The following KLHL1 variants were observed in gnomAD, a reference collection of about 807,000 sequenced individuals.
KLHL1 encodes the protein kelch-like protein 1.
Under a neutral mutation model 77.7 loss-of-function variants are expected in KLHL1, and 47 were observed. The observed-to-expected ratio is 0.60, with a 90% confidence interval of 0.48 to 0.77. The LOEUF (loss-of-function observed/expected upper bound fraction) is 0.77, where lower values mean the gene tolerates loss of function less well. Among genes scored for constraint, KLHL1 ranks in the 30% least tolerant of loss-of-function variants. The pLI, the probability that KLHL1 is intolerant of heterozygous loss-of-function variation, is 0.00. For missense variants in KLHL1, 925 were observed against 910.8 expected, an observed-to-expected ratio of 1.02 and a Z score of -0.20; for synonymous variants, 360 against 325.2, an observed-to-expected ratio of 1.11 and a Z score of -1.15.
Position 69,804,439 on chromosome 13 carries a change from TAA to T in KLHL1, c.1415-7479_1415-7478del, listed in dbSNP as rs553385689. On this transcript the variant is annotated intron_variant, in intron 6 of 10. Coordinates refer to ENST00000377844, the MANE Select transcript of KLHL1 (RefSeq NM_020866.3). Reference sequence around the variant, plus strand: ...TTGCATACAGCACAGAATTCAGTGATAAAAAGTTTTCTCAACTGACAAAAGAG... The same window carrying T: ...TTGCATACAGCACAGAATTCAGTGATAAAGTTTTCTCAACTGACAAAAGAG... 3.5e-4 allele frequency among the ~76,000 whole-genome samples: 53 copies of T among 152,242 alleles called. No individual in the cohort carries two copies. In the Middle Eastern group the frequency reaches 0.01, roughly 29 times the overall value.
chr13:69,713,057 T>C, intron 9 of KLHL1, among the ~76,000 whole-genome samples: 1 of 152,172 alleles, frequency 6.6e-6, no homozygotes, highest in East Asian at 1.9e-4. Flanking sequence ...CACAAATTCC[T>C]GGGCTCAAGT....
At chr13:69,770,520 T>G in intron 7 of KLHL1, among the ~76,000 whole-genome samples, 1 of 152,192 alleles carries the variant, frequency 6.6e-6, no homozygotes, top group African/African-American at 2.4e-5. Context: ...ATTTTTTTGT[T>G]GAAAAATGAA....
chr13:70,105,024 T>C (rs1023198332), intron 1 of KLHL1, among the ~76,000 whole-genome samples: 5 of 152,014 alleles, frequency 3.3e-5, no homozygotes, highest in African/African-American at 1.2e-4. Context: ...TTTAAGAACA[T>C]ATAAATCCAT....
chr13:69,913,730 A>G (rs566544843), intron 4 of KLHL1, among the ~76,000 whole-genome samples: 1 of 152,330 alleles, frequency 6.6e-6, no homozygotes, highest in Non-Finnish European at 1.5e-5. Context: ...TATTGTAGTT[A>G]CTATTTACAC....
At chr13:69,983,589 A>AAAAAAAAAAAAAAG (rs1216543322) in intron 1 of KLHL1, among the ~76,000 whole-genome samples, 3 of 132,166 alleles carry the variant, frequency 2.3e-5, no homozygotes, top group Non-Finnish European at 3.0e-5. Context: ...AAAAAAAAAA[A>AAAAAAAAAAAAAAG]AAGAAGAAGA....
chr13:70,034,527 T>C (rs1003342448), intron 1 of KLHL1, among the ~76,000 whole-genome samples: 6 of 152,214 alleles, frequency 3.9e-5, no homozygotes, highest in African/African-American at 1.2e-4. Context: ...TGTATTTATA[T>C]GCATCACTGG....
chr13:69,825,522 G>A (rs1292766839), intron 6 of KLHL1, among the ~76,000 whole-genome samples: 1 of 151,958 alleles, frequency 6.6e-6, no homozygotes, highest in Non-Finnish European at 1.5e-5. Flanking sequence ...GGTTTTTATT[G>A]TATTTTATTT....
intron 8 of KLHL1, among the ~76,000 whole-genome samples, chr13:69,731,411 A>G (rs1304911286): frequency 6.6e-6 from 1 of 152,144 alleles, no homozygotes; most frequent in Admixed American, 6.6e-5. Context: ...ACAACCAACC[A>G]TTTTTTATGC....
intron 7 of KLHL1, among the ~76,000 whole-genome samples, chr13:69,792,243 CCAAGA>C (rs1415211871): frequency 6.6e-6 from 1 of 151,792 alleles, no homozygotes; most frequent in Non-Finnish European, 1.5e-5. Flanking sequence ...AAAAATAACC[CCAAGA>C]CAAGAATAGG....
intron 8 of KLHL1, among the ~76,000 whole-genome samples, chr13:69,735,256 C>G (rs540711521): frequency 1.5e-3 from 225 of 151,632 alleles, no homozygotes; most frequent in Non-Finnish European, 2.3e-3. Flanking sequence ...ATATGTATCT[C>G]AAATAACAAC....
At chr13:70,067,743 T>C (rs1887044013) in intron 1 of KLHL1, among the ~76,000 whole-genome samples, 1 of 152,190 alleles carries the variant, frequency 6.6e-6, no homozygotes, top group African/African-American at 2.4e-5. Flanking sequence ...TTCTAAGAGC[T>C]GCTGGAATCC....
chr13:69,962,910 T>C (rs1442255176), intron 2 of KLHL1, among the ~76,000 whole-genome samples: 1 of 152,182 alleles, frequency 6.6e-6, no homozygotes, highest in African/African-American at 2.4e-5. Flanking sequence ...CATTCGGCTA[T>C]TTTGAAGAAG....
chr13:69,777,198 T>C (rs879063724), intron 7 of KLHL1, among the ~76,000 whole-genome samples: 2 of 152,120 alleles, frequency 1.3e-5, no homozygotes, highest in Non-Finnish European at 2.9e-5. Flanking sequence ...CCTTCCACCA[T>C]GACTCTGAAC....
At chr13:69,727,851 CTT>C (rs1222986252) in intron 8 of KLHL1, among the ~76,000 whole-genome samples, 11 of 143,204 alleles carry the variant, frequency 7.7e-5, no homozygotes, top group Admixed American at 2.1e-4. Context: ...CATCACTGCT[CTT>C]TTTTTTTTTT....
At chr13:69,950,023 A>T (rs1047507424) in intron 3 of KLHL1, among the ~76,000 whole-genome samples, 30 of 151,688 alleles carry the variant, frequency 2.0e-4, no homozygotes, top group African/African-American at 6.5e-4. Flanking sequence ...GAAATTCTAT[A>T]ATCCTAGAGC....
At chr13:69,912,414 T>C (rs1882268284) in intron 4 of KLHL1, among the ~76,000 whole-genome samples, 1 of 152,214 alleles carries the variant, frequency 6.6e-6, no homozygotes, top group African/African-American at 2.4e-5. Flanking sequence ...TTGTATGTGA[T>C]GGCTTTCTCT....
rs139429998 is a variant in KLHL1 at position 70,091,808 on chromosome 13, T to C, written c.497+15395A>G. 2.9e-3 allele frequency among the ~76,000 whole-genome samples: 440 copies of C among 152,332 alleles called. 2 individuals carry two copies. Among genetic ancestry groups the C allele is most frequent in the Admixed American group, 7.0e-3 (107 of 15,292 alleles). On this transcript the variant is annotated intron_variant, in intron 1 of 10. Coordinates refer to ENST00000377844, the MANE Select transcript of KLHL1 (RefSeq NM_020866.3). ...TAAGCTCTGTAGGTGCCGCCTAAAC[T>C]ACCTTAGAGCTAACTTTCATAAAAA...
At chr13:69,959,805 C>T (rs914469656) in intron 3 of KLHL1, among the ~76,000 whole-genome samples, 18 of 151,856 alleles carry the variant, frequency 1.2e-4, no homozygotes, top group African/African-American at 4.1e-4. Flanking sequence ...ACTATCCTCT[C>T]GCAAAGATGA....
chr13:69,750,176 A>G (rs1310480211), intron 7 of KLHL1, among the ~76,000 whole-genome samples: 1 of 151,684 alleles, frequency 6.6e-6, no homozygotes, highest in Non-Finnish European at 1.5e-5. Flanking sequence ...CAGTGGCTTC[A>G]TAATATATAT....
Sources: allele counts gnomAD v4.1 joint callset (sites outside exome capture counted in the v4.1 genomes callset), GRCh38; gene constraint gnomAD v4.1.1; transcripts MANE v1.5; gene names NCBI Gene and HGNC (gene_info 2026-07-23, HGNC 2026-07-21).